The following PARP12 variants were observed in gnomAD, a reference collection of about 807,000 sequenced individuals.
PARP12 encodes the protein protein mono-ADP-ribosyltransferase PARP12.
A neutral mutation model predicts 72.4 loss-of-function variants in PARP12; 59 were observed. The observed-to-expected ratio is 0.81, with a 90% CI of 0.66 to 1.01. PARP12 has a LOEUF of 1.01. Ranked by LOEUF, PARP12 falls within the 50% of genes least tolerant of loss-of-function variation. PARP12 has a pLI of 0.00. For missense variants in PARP12, 851 were observed against 914.0 expected (o/e 0.93, Z 0.89); for synonymous variants, 403 against 371.4 (o/e 1.09, Z -0.98).
chr7:140,057,768 A>C (rs1817247508), intron 2 of PARP12, 131 bp downstream of exon 2: 1 of 1,330,752 alleles, frequency 7.5e-7, no homozygotes, highest in African/African-American at 1.5e-5. Flanking sequence ...TCCACATTCC[A>C]AATTTCTGCA....
chr7:140,037,286 T>C (rs1816243151), intron 7 of PARP12, among the ~76,000 whole-genome samples: 1 of 152,198 alleles, frequency 6.6e-6, no homozygotes, highest in Non-Finnish European at 1.5e-5. Flanking sequence ...ATCACGCCAT[T>C]GCACTCCAGC....
chr7:140,053,926 G>A (rs146221888), intron 4 of PARP12, among the ~76,000 whole-genome samples: 8 of 152,280 alleles, frequency 5.3e-5, no homozygotes, highest in Admixed American at 1.3e-4. Context: ...GGGCAAAGAC[G>A]ATGGAGGACT....
chr7:140,057,030 T>TA lies in PARP12; in HGVS notation c.585dup (p.Lys196Ter). The stretch of plus-strand genomic sequence containing the variant: ...GAATTAGAGAAATCATGGGATCTCT[T>TA]ACAGCTAGTGCCAAACTTGCATTCC... On this transcript the variant is annotated frameshift_variant, in exon 3 of 12. Transcript: ENST00000263549. LOFTEE classifies it high-confidence loss of function. 2 of 1,614,246 alleles carry TA rather than the reference T, an allele frequency of 1.2e-6. No individual in the cohort carries two copies. Among genetic ancestry groups the TA allele is most frequent in the Non-Finnish European group, 1.7e-6 (2 of 1,180,040 alleles).
chr7:140,058,091 T>C (rs1817264619), intron 1 of PARP12, 57 bp from the exon 2 acceptor site: 5 of 1,593,298 alleles, frequency 3.1e-6, no homozygotes, highest in South Asian at 1.1e-5. Context: ...AAAATTTCTA[T>C]GTTGGAGTCC....
intron 1 of PARP12, among the ~76,000 whole-genome samples, chr7:140,059,925 G>A (rs1817371146): frequency 6.6e-6 from 1 of 152,194 alleles, no homozygotes; most frequent in African/African-American, 2.4e-5. Flanking sequence ...TACTTAAAGG[G>A]TGAGGAGGAG....
chr7:140,046,442 A>G (rs994745699), intron 5 of PARP12, among the ~76,000 whole-genome samples: 2 of 152,270 alleles, frequency 1.3e-5, no homozygotes, highest in African/African-American at 4.8e-5. Flanking sequence ...AACCATAAAC[A>G]GCAGTTCAGC....
At chr7:140,034,981 C>T (rs1344100993) in intron 7 of PARP12, among the ~76,000 whole-genome samples, 1 of 152,182 alleles carries the variant, frequency 6.6e-6, no homozygotes, top group Non-Finnish European at 1.5e-5. Context: ...TGCTTTGTTG[C>T]TCAAGTGGAC....
At chr7:140,047,159 C>T in intron 4 of PARP12, 152 bp from the exon 5 acceptor site, 1 of 784,570 alleles carries the variant, frequency 1.3e-6, no homozygotes, top group Non-Finnish European at 1.9e-6. Context: ...CATGCCTGAG[C>T]ATTTAGATAC....
rs932694567 is a variant in PARP12 at position 140,054,519 on chromosome 7, A to T, written c.862+143T>A. The T allele has an allele frequency of 6.3e-6, 4 of 631,544 alleles. No individual in the cohort carries two copies. In the South Asian group the frequency reaches 8.6e-5, roughly 14 times the overall value. The allele number at this position is 631,544 out of a possible 1,614,324, so 39.1% of individuals were successfully genotyped here. On this transcript the variant is annotated intron_variant, in intron 4 of 11. Transcript: ENST00000263549. ...CAACTCCCCAACAAAATACCTTCAG[A>T]ATTGGTTTGGCCAAAGTGCCAAGCC...
chr7:140,045,580 G>A (rs1314054393), intron 5 of PARP12, among the ~76,000 whole-genome samples: 1 of 152,128 alleles, frequency 6.6e-6, no homozygotes, highest in Non-Finnish European at 1.5e-5. Flanking sequence ...GCACTGATTG[G>A]CTTAAGCTCA....
intron 8 of PARP12, among the ~76,000 whole-genome samples, chr7:140,032,208 C>T (rs1815964598): frequency 1.3e-5 from 2 of 152,148 alleles, no homozygotes; most frequent in Admixed American, 6.5e-5. Flanking sequence ...ATGCAAAAGC[C>T]CAAGAGCCTG....
chr7:140,024,628 A>T lies in PARP12; in HGVS notation c.2038T>A (p.Ser680Thr), dbSNP rs775074541. 1.1e-5 allele frequency: 18 copies of T among 1,614,118 alleles called. No individual in the cohort carries two copies. The highest frequency in any genetic ancestry group is 1.6e-4 in the Middle Eastern group (1 of 6,062). ...GAGGGTGTGACCGAGGGCTTGGAGGAGGTGGTGTACTGGATGACATACTCT... is the reference window on the plus strand; with the variant it reads ...GAGGGTGTGACCGAGGGCTTGGAGGTGGTGGTGTACTGGATGACATACTCT... The part of the protein sequence containing the change: ...YPEYVIQYTT[S>T]SKPSVTPSIL... Residue 680 changes from serine to threonine, a missense_variant, in exon 12 of 12, where the codon TCC (serine) becomes ACC (threonine). Physicochemically the swap from Ser to Thr is moderately conservative, Grantham distance 58. Transcript: ENST00000263549.
rs756028712 is a variant in PARP12, at chr7:140,046,964, T to C, written c.906A>G (p.Gln302=). Residue 302 remains glutamine (Q), a synonymous_variant, in exon 5 of 12, where the codon CAA becomes CAG. Transcript: ENST00000263549. ...CCTCCCATTTGCCTCTATCCAAGAATTGCCATCGATACGGCAAATGGAAAT... is the reference window on the plus strand; with the variant it reads ...CCTCCCATTTGCCTCTATCCAAGAACTGCCATCGATACGGCAAATGGAAAT... ...RVHFHLPYRW[Q]FLDRGKWEDL... The C allele has an allele frequency of 2.1e-5, 34 of 1,613,932 alleles. No individual in the cohort carries two copies. The South Asian group carries it at 2.3e-4, about 11-fold the overall frequency.
intron 10 of PARP12, among the ~76,000 whole-genome samples, 190 bp from the exon 11 acceptor site, chr7:140,026,538 T>TTGATC (rs1439906790): frequency 6.6e-6 from 1 of 152,120 alleles, no homozygotes; most frequent in African/African-American, 2.4e-5. Flanking sequence ...AGAAGGGGGA[T>TTGATC]CGTGGGAGCT....
At chr7:140,061,744 T>A (rs1237498949) in intron 1 of PARP12, among the ~76,000 whole-genome samples, 2 of 152,202 alleles carry the variant, frequency 1.3e-5, no homozygotes, top group South Asian at 2.1e-4. Flanking sequence ...GGACGCTAAG[T>A]GCTGGGGAGA....
At position 140,024,893 on chromosome 7, in the gene PARP12, G is replaced by A. The variant is rs1489286906; in HGVS notation, c.1781-8C>T. ...CTCGGGCAAAGTAGCTCCCTGAAAT[G>A]ACACACGAGGGCTCAGCTGGTGGAG... On this transcript the variant is annotated splice_polypyrimidine_tract_variant and splice_region_variant and intron_variant, in intron 11 of 11. Transcript: ENST00000263549. The A allele has an allele frequency of 1.2e-6, 2 of 1,610,654 alleles. No individual in the cohort carries two copies. Among genetic ancestry groups the A allele is most frequent in the Non-Finnish European group, 1.7e-6 (2 of 1,177,482 alleles).
chr7:140,056,749 T>A, intron 3 of PARP12, 107 bp downstream of exon 3: 1 of 1,213,060 alleles, frequency 8.2e-7, no homozygotes, highest in Non-Finnish European at 1.1e-6. Context: ...AGCACCAGAC[T>A]TGCCCAAAGT....
At chr7:140,059,019 C>A (rs944356822) in intron 1 of PARP12, among the ~76,000 whole-genome samples, 1 of 151,612 alleles carries the variant, frequency 6.6e-6, no homozygotes, top group Non-Finnish European at 1.5e-5. Flanking sequence ...CGCTTGAACC[C>A]AGGAGGCGGA....
At chr7:140,044,512 T>C (rs1816637384) in intron 5 of PARP12, among the ~76,000 whole-genome samples, 1 of 152,210 alleles carries the variant, frequency 6.6e-6, no homozygotes, top group Non-Finnish European at 1.5e-5. Context: ...AGGATCCTCC[T>C]GTAAAGCCTT....
Sources: gnomAD v4.1 joint callset for allele counts (sites outside exome capture counted in the v4.1 genomes callset) on GRCh38, gnomAD v4.1.1 for gene constraint, MANE v1.5 for transcripts, NCBI Gene and HGNC (gene_info 2026-07-23, HGNC 2026-07-21) for gene names.